PDZRN4: variants seen among roughly 807,000 people sequenced by gnomAD.
PDZRN4 encodes PDZ domain containing ring finger 4.
In PDZRN4, 70 loss-of-function variants were observed where a neutral mutation model predicts 99.0. The observed-to-expected ratio is 0.71, with a 90% CI of 0.58 to 0.86. The LOEUF is 0.86. Among genes scored for constraint, PDZRN4 ranks in the 40% least tolerant of loss-of-function variants. The pLI, the probability that PDZRN4 is intolerant of heterozygous loss-of-function variation, is 0.00. For missense variants in PDZRN4, 1,474 were observed against 1,331.2 expected (o/e 1.11, Z -1.67); for synonymous variants, 551 against 501.6 (o/e 1.10, Z -1.32).
rs12582597 is a variant in PDZRN4, at chr12:41,349,524, A to G, written c.843+155336A>G. On this transcript the variant is annotated intron_variant, in intron 3 of 9. Transcript: ENST00000402685. ...TAAAATAGGTTATTGAGATAAATAA[A>G]TATTAATTTATTAGGCTTTATGTAA... 3.8e-3 allele frequency among the ~76,000 whole-genome samples: 581 copies of G among 152,086 alleles called. 19 individuals carry two copies. The East Asian group carries it at 0.09, about 24-fold the overall frequency.
chr12:41,195,255 A>G (rs1227265929), intron 3 of PDZRN4, among the ~76,000 whole-genome samples: 3 of 152,148 alleles, frequency 2.0e-5, no homozygotes, highest in African/African-American at 7.2e-5. Flanking sequence ...GTTTATTTCC[A>G]ATGGATTAGT....
Position 41,376,500 on chromosome 12 carries a change from T to A in PDZRN4, c.844-129956T>A, listed in dbSNP as rs1952081698. Among the ~76,000 whole-genome samples the A allele has an allele frequency of 2.0e-5, 3 of 152,198 alleles. No homozygotes were observed. In the South Asian group the frequency reaches 6.2e-4, roughly 31 times the overall value. On this transcript the variant is annotated intron_variant, in intron 3 of 9. Transcript: ENST00000402685. The stretch of plus-strand genomic sequence containing the variant: ...GTCACTTATATTGAATATATTTTCA[T>A]GTATTTACTGGCCATCCATATGTCT...
Position 41,472,693 on chromosome 12 carries a change from G to A in PDZRN4, c.844-33763G>A, listed in dbSNP as rs566748310. 5.6e-4 allele frequency among the ~76,000 whole-genome samples: 85 copies of A among 152,220 alleles called. 2 individuals carry two copies. The highest frequency in any genetic ancestry group is 2.0e-3 in the African/African-American group (82 of 41,522). On this transcript the variant is annotated intron_variant, in intron 3 of 9. Transcript: ENST00000402685. ...ATAGTACCAGGTGTCACTCTAAGAG[G>A]TTTATGTATGTTAACTCATGTGGTT... is the stretch of plus-strand genomic sequence containing the variant.
chr12:41,440,817 G>A (rs1277077891), intron 3 of PDZRN4, among the ~76,000 whole-genome samples: 2 of 152,084 alleles, frequency 1.3e-5, no homozygotes, highest in Non-Finnish European at 2.9e-5. Context: ...TTTATTCAAA[G>A]TAAGTTATTT....
chr12:41,208,250 C>T (rs1950864236), intron 3 of PDZRN4, among the ~76,000 whole-genome samples: 2 of 151,872 alleles, frequency 1.3e-5, no homozygotes, highest in Non-Finnish European at 2.9e-5. Flanking sequence ...ACAATTAAGA[C>T]TTGACTATTT....
chr12:41,432,568 G>T (rs1469237701), intron 3 of PDZRN4, among the ~76,000 whole-genome samples: 1 of 152,142 alleles, frequency 6.6e-6, no homozygotes, highest in Non-Finnish European at 1.5e-5. Flanking sequence ...TATGAGTTTT[G>T]GGGGCTCAAA....
At chr12:41,336,720 G>T (rs1409753979) in intron 3 of PDZRN4, among the ~76,000 whole-genome samples, 3 of 152,062 alleles carry the variant, frequency 2.0e-5, no homozygotes, top group Non-Finnish European at 4.4e-5. Flanking sequence ...AGATAATTTG[G>T]TGGGTTGGGG....
At chr12:41,365,368 GT>G (rs923422445) in intron 3 of PDZRN4, among the ~76,000 whole-genome samples, 31 of 151,094 alleles carry the variant, frequency 2.1e-4, no homozygotes, top group African/African-American at 5.3e-4. Context: ...TATAATGTGT[GT>G]TTTTTTTTAA....
At chr12:41,449,012 T>C (rs760285066) in intron 3 of PDZRN4, among the ~76,000 whole-genome samples, 4 of 152,142 alleles carry the variant, frequency 2.6e-5, no homozygotes, top group Non-Finnish European at 4.4e-5. Flanking sequence ...ATTACCTCGC[T>C]TTATGCAGAC....
chr12:41,263,853 A>T (rs1243139094), intron 3 of PDZRN4, among the ~76,000 whole-genome samples: 1 of 152,174 alleles, frequency 6.6e-6, no homozygotes, highest in Admixed American at 6.5e-5. Context: ...ACACCTTAAA[A>T]TACAAGAAGG....
chr12:41,445,920 A>G (rs1439251584), intron 3 of PDZRN4, among the ~76,000 whole-genome samples: 1 of 152,106 alleles, frequency 6.6e-6, no homozygotes, highest in Non-Finnish European at 1.5e-5. Context: ...TCTAAATGCA[A>G]CGTTTCCAAA....
At chr12:41,411,434 G>A (rs1328575846) in intron 3 of PDZRN4, 3 of 152,158 alleles carry the variant, frequency 2.0e-5, no homozygotes, top group Admixed American at 2.0e-4. Context: ...TTAGTCATGG[G>A]TTAGATTAGT....
At chr12:41,393,102 C>A (rs73274457) in intron 3 of PDZRN4, among the ~76,000 whole-genome samples, 5,420 of 152,198 alleles carry the variant, frequency 0.036, 324 homozygotes, top group African/African-American at 0.12. Context: ...TTCTTCAATT[C>A]CTTTCTTTGT....
chr12:41,230,262 A>G (rs1157915335), intron 3 of PDZRN4, among the ~76,000 whole-genome samples: 1 of 151,866 alleles, frequency 6.6e-6, no homozygotes, highest in Non-Finnish European at 1.5e-5. Context: ...GGTTTTTGAA[A>G]CTTTATATTA....
intron 3 of PDZRN4, among the ~76,000 whole-genome samples, chr12:41,500,921 C>T (rs1455770761): frequency 6.6e-6 from 1 of 152,108 alleles, no homozygotes; most frequent in African/African-American, 2.4e-5. Context: ...TTTGGCAACA[C>T]CTCCCTAATT....
chr12:41,445,808 ACTT>A (rs2120483070), intron 3 of PDZRN4, among the ~76,000 whole-genome samples: 1 of 152,120 alleles, frequency 6.6e-6, no homozygotes, highest in East Asian at 1.9e-4. Flanking sequence ...TTCTTAAAAA[ACTT>A]CTTCTTGTGA....
intron 3 of PDZRN4, among the ~76,000 whole-genome samples, chr12:41,308,959 T>C (rs1951588370): frequency 6.6e-6 from 1 of 152,138 alleles, no homozygotes; most frequent in Non-Finnish European, 1.5e-5. Flanking sequence ...TATGTTCACA[T>C]TTCCATTTGG....
Position 41,326,149 on chromosome 12 carries a change from A to AGTTTTTGC in PDZRN4, c.843+131961_843+131962insGTTTTTGC, listed in dbSNP as rs200012629. ...TAAGCATGTGCCACCACACTCGGCT[A>AGTTTTTGC]ATTTTTTTTTTAGAGATGGGGTTTC... On this transcript the variant is annotated intron_variant, in intron 3 of 9. Transcript: ENST00000402685. Among the ~76,000 whole-genome samples, 6 of 78,732 alleles carry AGTTTTTGC rather than the reference A, an allele frequency of 7.6e-5. No homozygotes were observed. The East Asian group carries it at 1.8e-3, about 23-fold the overall frequency. 51.7% of individuals were successfully genotyped at this position (78,732 alleles called of 152,430 possible). A position where few individuals can be genotyped will look rare whatever the true frequency, so the allele number is the denominator to read the frequency against.
chr12:41,511,686 A>C (rs1009315211), intron 5 of PDZRN4, among the ~76,000 whole-genome samples: 1 of 152,148 alleles, frequency 6.6e-6, no homozygotes, highest in African/African-American at 2.4e-5. Flanking sequence ...TCAAGAGAGA[A>C]TAATGGTTCT....
Sources: allele counts gnomAD v4.1 joint callset (sites outside exome capture counted in the v4.1 genomes callset), GRCh38; gene constraint gnomAD v4.1.1; transcripts MANE v1.5; gene names NCBI Gene and HGNC (gene_info 2026-07-23, HGNC 2026-07-21).